GRM3: variants seen among roughly 807,000 people sequenced by gnomAD.
GRM3 encodes metabotropic glutamate receptor 3.
A neutral mutation model predicts 70.5 loss-of-function variants in GRM3; 26 were observed. That is an observed-to-expected ratio of 0.37 (90% CI 0.27 to 0.51). GRM3 has a LOEUF of 0.51. Ranked by LOEUF, GRM3 falls within the 20% of genes least tolerant of loss-of-function variation. The pLI is 0.93. For synonymous variants in GRM3, 443 were observed against 434.9 expected (o/e 1.02, Z -0.23); for missense variants, 859 against 1,123.8 (o/e 0.76, Z 3.37).
chr7:86,786,601 G>A lies in GRM3; in HGVS notation c.809G>A (p.Arg270His), dbSNP rs1797253868. Reference sequence around the variant, plus strand: ...GAACTGTTGCAGAAGCCCAACGCGCGCGTCGTGGTCCTCTTCATGCGCAGC... The same window carrying A: ...GAACTGTTGCAGAAGCCCAACGCGCACGTCGTGGTCCTCTTCATGCGCAGC... ...IRELLQKPNA[R>H]VVVLFMRSDD... Residue 270 changes from arginine (R) to histidine (H), a missense_variant, in exon 3 of 6, where the codon CGC becomes CAC. By Grantham distance (29) the Arg-to-His change is conservative. Transcript: ENST00000361669. The surrounding 1 kb of genome is among the most constrained non-coding windows in gnomAD (Gnocchi z 6.0). The A allele has an allele frequency of 1.2e-6, 2 of 1,613,510 alleles. No homozygotes were observed. The highest frequency in any genetic ancestry group is 4.5e-5 in the East Asian group (2 of 44,884).
At chr7:86,783,712 T>C (rs138434344) in intron 2 of GRM3, among the ~76,000 whole-genome samples, 50 of 152,292 alleles carry the variant, frequency 3.3e-4, no homozygotes, top group African/African-American at 1.2e-3. Context: ...TTTTAACCCT[T>C]TTAATCTAAA....
chr7:86,820,686 A>T (rs1798102409), intron 3 of GRM3, among the ~76,000 whole-genome samples: 1 of 152,154 alleles, frequency 6.6e-6, no homozygotes, highest in African/African-American at 2.4e-5. Context: ...CATATTAATC[A>T]TTCCTCCAGC....
intron 5 of GRM3, among the ~76,000 whole-genome samples, chr7:86,862,296 C>T (rs1315366789): frequency 6.6e-6 from 1 of 152,140 alleles, no homozygotes; most frequent in Non-Finnish European, 1.5e-5. Flanking sequence ...CATTTTGAAT[C>T]TCACTTTGCC....
chr7:86,648,873 G>C (rs545312381), intron 1 of GRM3, among the ~76,000 whole-genome samples: 1 of 152,184 alleles, frequency 6.6e-6, no homozygotes, highest in South Asian at 2.1e-4. Context: ...CAAGTTCCAG[G>C]CATTGAAATA....
chr7:86,691,496 A>C (rs1584168871), intron 1 of GRM3, among the ~76,000 whole-genome samples: 1 of 152,234 alleles, frequency 6.6e-6, no homozygotes, highest in East Asian at 1.9e-4. Flanking sequence ...ATAATTAAAG[A>C]AATAGGGCAT....
intron 3 of GRM3, among the ~76,000 whole-genome samples, chr7:86,821,651 C>G (rs538207302): frequency 6.6e-6 from 1 of 152,208 alleles, no homozygotes; most frequent in African/African-American, 2.4e-5. Context: ...TCAAGGAGCT[C>G]GCAGTCTAGA....
intron 1 of GRM3, among the ~76,000 whole-genome samples, chr7:86,717,653 C>T (rs1330148713): frequency 6.6e-6 from 1 of 151,884 alleles, no homozygotes; most frequent in African/African-American, 2.4e-5. Context: ...TTAGAGCAAG[C>T]CAAATGCCTT....
intron 1 of GRM3, among the ~76,000 whole-genome samples, chr7:86,655,741 G>A (rs1018701266): frequency 1.3e-5 from 2 of 151,876 alleles, no homozygotes; most frequent in Non-Finnish European, 2.9e-5. Context: ...TGGAAGGTAG[G>A]CGAAAACAAG....
Position 86,647,919 on chromosome 7 carries a change from TCTAATGGTTCTCC to T in GRM3, c.-141+3051_-141+3063del, listed in dbSNP as rs1477713062. On this transcript the variant is annotated intron_variant, in intron 1 of 5. Transcript: ENST00000361669. ...CAGAGTCTTTGAAAGACTATTTCAG[TCTAATGGTTCTCC>T]CTATTAAGAACTTTGTTGTGATATT... is the stretch of plus-strand genomic sequence containing the variant. Among the ~76,000 whole-genome samples, 11 of 152,296 alleles carry T rather than the reference TCTAATGGTTCTCC, an allele frequency of 7.2e-5. 1 individual carries two copies. In the South Asian group the frequency reaches 2.1e-3, roughly 29 times the overall value.
At chr7:86,772,324 C>T (rs1010059074) in intron 2 of GRM3, among the ~76,000 whole-genome samples, 4 of 152,062 alleles carry the variant, frequency 2.6e-5, no homozygotes, top group Non-Finnish European at 5.9e-5. Flanking sequence ...CATCACCCAC[C>T]TATTCTAGAT....
intron 3 of GRM3, among the ~76,000 whole-genome samples, chr7:86,805,977 C>G (rs1443635043): frequency 6.6e-6 from 1 of 151,632 alleles, no homozygotes; most frequent in Non-Finnish European, 1.5e-5. Context: ...CAATTCCCAC[C>G]TATGAGTGAG....
chr7:86,768,684 T>TACAAGGGGATAAAGGGG (rs1796664879), intron 2 of GRM3, among the ~76,000 whole-genome samples: 5 of 152,112 alleles, frequency 3.3e-5, no homozygotes, highest in Non-Finnish European at 7.4e-5. Context: ...GAGACGTCCA[T>TACAAGGGGATAAAGGGG]GTACAAGGGG....
chr7:86,824,255 G>A (rs547414064), intron 3 of GRM3, among the ~76,000 whole-genome samples: 12 of 152,302 alleles, frequency 7.9e-5, no homozygotes, highest in African/African-American at 2.6e-4. Context: ...AAGGAAGTTA[G>A]GAAGCAAAAG....
rs140636178 is a variant in GRM3, at chr7:86,734,236, T to G, written c.-140-30770T>G. 3.9e-5 allele frequency among the ~76,000 whole-genome samples: 6 copies of G among 152,274 alleles called. No homozygotes were observed. The East Asian group carries it at 1.2e-3, about 29-fold the overall frequency. ...ATTGAAAAAAGAATGTGTTGAAAAATCAGTTAAGCATCAATATACAGTGTA... is the reference window on the plus strand; with the variant it reads ...ATTGAAAAAAGAATGTGTTGAAAAAGCAGTTAAGCATCAATATACAGTGTA... On this transcript the variant is annotated intron_variant, in intron 1 of 5. Coordinates refer to ENST00000361669, the MANE Select transcript of GRM3 (RefSeq NM_000840.3).
intron 3 of GRM3, among the ~76,000 whole-genome samples, chr7:86,811,681 C>G (rs1797911234): frequency 6.6e-6 from 1 of 151,774 alleles, no homozygotes; most frequent in South Asian, 2.1e-4. Flanking sequence ...ATTACTTAGT[C>G]AAAGCTTGAA....
At chr7:86,725,139 T>A (rs1464324966) in intron 1 of GRM3, among the ~76,000 whole-genome samples, 8 of 152,142 alleles carry the variant, frequency 5.3e-5, no homozygotes, top group African/African-American at 1.9e-4. Flanking sequence ...TAACTTTAGG[T>A]ACATTTCTTA....
At chr7:86,696,017 T>C (rs1794806740) in intron 1 of GRM3, among the ~76,000 whole-genome samples, 1 of 152,230 alleles carries the variant, frequency 6.6e-6, no homozygotes, top group African/African-American at 2.4e-5. Flanking sequence ...CTTTGTTTCC[T>C]GTCAAAGGTG....
At chr7:86,765,825 G>T (rs555247881) in intron 2 of GRM3, among the ~76,000 whole-genome samples, 4 of 152,196 alleles carry the variant, frequency 2.6e-5, no homozygotes, top group African/African-American at 9.6e-5. Flanking sequence ...GGTAGCTATT[G>T]CAACATTAAA....
intron 3 of GRM3, among the ~76,000 whole-genome samples, chr7:86,804,261 A>G (rs1439333404): frequency 6.6e-6 from 1 of 152,244 alleles, no homozygotes; most frequent in Non-Finnish European, 1.5e-5. Flanking sequence ...CTGAACCAGT[A>G]AAGATCATAT....
Sources: allele counts gnomAD v4.1 joint callset (sites outside exome capture counted in the v4.1 genomes callset), GRCh38; gene constraint gnomAD v4.1.1; non-coding constraint Gnocchi (gnomAD v3.1); transcripts MANE v1.5; gene names NCBI Gene and HGNC (gene_info 2026-07-23, HGNC 2026-07-21).